The following ZNF407 variants were observed in gnomAD, a reference collection of about 807,000 sequenced individuals.
The protein encoded by ZNF407 is zinc finger protein 407.
Under a neutral mutation model 131.2 loss-of-function variants are expected in ZNF407, and 17 were observed. That is an observed-to-expected ratio of 0.13 (90% CI 0.09 to 0.19). The LOEUF (loss-of-function observed/expected upper bound fraction) is 0.19, where lower values mean the gene tolerates loss of function less well. ZNF407 is among the 10% of genes least tolerant of loss of function. The probability of loss-of-function intolerance (pLI) is 1.00; values close to 1 mark genes in which losing one functional copy is unlikely to be tolerated. For missense variants in ZNF407, 2,681 were observed against 2,830.6 expected (o/e 0.95, Z 1.20); for synonymous variants, 1,156 against 1,062.0 (o/e 1.09, Z -1.72).
intron 8 of ZNF407, among the ~76,000 whole-genome samples, chr18:75,043,257 C>T (rs1337906231): frequency 5.3e-5 from 8 of 152,150 alleles, no homozygotes. Flanking sequence ...TTGCATTTTC[C>T]TAGTGACTGA....
chr18:74,609,449 T>A (rs1043668784), intron 1 of ZNF407, among the ~76,000 whole-genome samples: 1 of 152,182 alleles, frequency 6.6e-6, no homozygotes. Flanking sequence ...AACTCAATGG[T>A]AAGTATTTTG....
rs1338954929 is a variant in ZNF407 at position 74,963,209 on chromosome 18, T to C, written c.5428+42517T>C. 2.0e-5 allele frequency among the ~76,000 whole-genome samples: 3 copies of C among 151,910 alleles called. No individual in the cohort carries two copies. The East Asian group carries it at 5.8e-4, about 29-fold the overall frequency. On this transcript the variant is annotated intron_variant, in intron 8 of 8. Coordinates refer to ENST00000299687, the MANE Select transcript of ZNF407 (RefSeq NM_017757.3). ...ATTCCCAAGTACTGCAACAAACCAT[T>C]GGGTTATGCATTGCCTTTAAATATC... is the stretch of plus-strand genomic sequence containing the variant.
intron 3 of ZNF407, among the ~76,000 whole-genome samples, chr18:74,768,486 A>G (rs1969291292): frequency 6.6e-6 from 1 of 152,214 alleles, no homozygotes; most frequent in Non-Finnish European, 1.5e-5. Flanking sequence ...CTTGACAGGA[A>G]CACCCTCATG....
chr18:74,911,678 A>G (rs1430823632), intron 7 of ZNF407, among the ~76,000 whole-genome samples: 1 of 152,136 alleles, frequency 6.6e-6, no homozygotes, highest in Non-Finnish European at 1.5e-5. Flanking sequence ...CTAAACTACT[A>G]CTATTATTTT....
chr18:74,699,732 T>C (rs546433252), intron 3 of ZNF407, among the ~76,000 whole-genome samples: 1 of 152,308 alleles, frequency 6.6e-6, no homozygotes, highest in African/African-American at 2.4e-5. Context: ...GTTGAATCGT[T>C]TTCCTGTTTT....
intron 3 of ZNF407, among the ~76,000 whole-genome samples, chr18:74,742,748 C>T (rs1372780506): frequency 2.6e-5 from 4 of 152,096 alleles, no homozygotes; most frequent in Non-Finnish European, 5.9e-5. Context: ...ACTCCAAGAG[C>T]AGTGATGCAT....
chr18:74,613,245 C>T (rs898603390), intron 1 of ZNF407, among the ~76,000 whole-genome samples: 7 of 151,742 alleles, frequency 4.6e-5, no homozygotes, highest in Non-Finnish European at 1.0e-4. Context: ...TTTTTCTAAC[C>T]TTTTATAACT....
chr18:74,653,139 C>T (rs1985301299), intron 3 of ZNF407, among the ~76,000 whole-genome samples: 1 of 151,746 alleles, frequency 6.6e-6, no homozygotes, highest in Non-Finnish European at 1.5e-5. Flanking sequence ...ATCAAGATAG[C>T]CATAGATGTC....
chr18:74,819,598 G>T (rs1292795273), intron 4 of ZNF407, among the ~76,000 whole-genome samples: 1 of 152,172 alleles, frequency 6.6e-6, no homozygotes, highest in Non-Finnish European at 1.5e-5. Context: ...GGAGCTCGGG[G>T]CATGGCATTC....
intron 3 of ZNF407, among the ~76,000 whole-genome samples, chr18:74,730,868 C>T (rs1307810075): frequency 1.3e-5 from 2 of 152,140 alleles, no homozygotes; most frequent in African/African-American, 4.8e-5. Context: ...GAAGTAAAAG[C>T]ATAAGGAGGA....
At chr18:74,992,882 C>G (rs1972735205) in intron 8 of ZNF407, among the ~76,000 whole-genome samples, 1 of 152,216 alleles carries the variant, frequency 6.6e-6, no homozygotes, top group Non-Finnish European at 1.5e-5. Flanking sequence ...TGATGCTAAT[C>G]ATCGCCAGTT....
Position 74,635,039 on chromosome 18 carries a change from A to T in ZNF407, c.4020A>T (p.Ile1340=). ...AAAGTAGTGATGTCTATGAAACTAT[A>T]ATTAGTATTGATGATAAAGGGCAGG... ...TVESSDVYET[I]ISIDDKGQAM... The change falls in exon 2 of 9, where the codon ATA becomes ATT. Residue 1340 remains isoleucine, a synonymous_variant. Coordinates refer to ENST00000299687, the MANE Select transcript of ZNF407 (RefSeq NM_017757.3). The surrounding 1 kb of genome is among the most constrained non-coding windows in gnomAD (Gnocchi z 4.7). 1 of 1,613,950 alleles carries T rather than the reference A, an allele frequency of 6.2e-7. No homozygotes were observed. The highest frequency in any genetic ancestry group is 8.5e-7 in the Non-Finnish European group (1 of 1,179,888).
chr18:74,920,043 A>G (rs906350148), intron 7 of ZNF407, among the ~76,000 whole-genome samples: 3 of 152,284 alleles, frequency 2.0e-5, no homozygotes, highest in South Asian at 2.1e-4. Flanking sequence ...TCTAGCTACA[A>G]TTCCATCTTC....
chr18:74,990,599 A>T (rs1289756513), intron 8 of ZNF407, among the ~76,000 whole-genome samples: 1 of 152,252 alleles, frequency 6.6e-6, no homozygotes, highest in African/African-American at 2.4e-5. Flanking sequence ...ACACAATGTA[A>T]AATGCTAAGT....
In ZNF407 at chr18:74,846,198, G is replaced by T. The variant is rs146349383; in HGVS notation, c.4878-30999G>T. Among the ~76,000 whole-genome samples the T allele has an allele frequency of 4.5e-4, 68 of 152,238 alleles. No individual in the cohort carries two copies. The East Asian group carries it at 0.01, about 22-fold the overall frequency. ...GAATAGCATTAAGAATATGGTCACA[G>T]AATTAGAAATTATTGATATTCAATC... On this transcript the variant is annotated intron_variant, in intron 4 of 8. Transcript: ENST00000299687.
chr18:74,779,107 A>ATATATT, intron 3 of ZNF407, among the ~76,000 whole-genome samples: 1 of 23,556 alleles, frequency 4.2e-5, no homozygotes, highest in Non-Finnish European at 8.7e-5. Flanking sequence ...ATATATATAT[A>ATATATT]TATTTTTTTT....
intron 8 of ZNF407, among the ~76,000 whole-genome samples, chr18:75,049,086 A>AT (rs79781750): frequency 0.056 from 620 of 11,006 alleles, 5 homozygotes; most frequent in Non-Finnish European, 0.086. Flanking sequence ...GGCCGGTAGT[A>AT]TTTTTTTTTT....
rs774666409 is a variant in ZNF407, at chr18:74,631,171, G to A, written c.152G>A (p.Arg51Lys). Residue 51 changes from arginine (R) to lysine (K), a missense_variant, in exon 2 of 9, where the codon AGA becomes AAA. Physicochemically the swap from Arg to Lys is conservative, Grantham distance 26. Coordinates refer to ENST00000299687, the MANE Select transcript of ZNF407 (RefSeq NM_017757.3). ...TTCCCTGAGAATTCTATGGGCAAAA[G>A]AGGTTTTTCAGAATCATCGAACTCT... ...ASFPENSMGK[R>K]GFSESSNSDS... The A allele has an allele frequency of 1.2e-6, 2 of 1,614,012 alleles. No homozygotes were observed. Among genetic ancestry groups the A allele is most frequent in the South Asian group, 2.2e-5 (2 of 91,088 alleles).
At chr18:74,982,449 C>T (rs556754306) in intron 8 of ZNF407, among the ~76,000 whole-genome samples, 2 of 152,208 alleles carry the variant, frequency 1.3e-5, no homozygotes, top group Admixed American at 6.5e-5. Context: ...GAATACTTAC[C>T]GAGTTAATCT....
Sources: allele counts gnomAD v4.1 joint callset (sites outside exome capture counted in the v4.1 genomes callset), GRCh38; gene constraint gnomAD v4.1.1; non-coding constraint Gnocchi (gnomAD v3.1); transcripts MANE v1.5; gene names NCBI Gene and HGNC (gene_info 2026-07-23, HGNC 2026-07-21).